The following DLG2 variants were observed in gnomAD, a reference collection of about 807,000 sequenced individuals.
The protein encoded by DLG2 is discs large MAGUK scaffold protein 2, also known as disks large homolog 2.
DLG2 carries 45 observed loss-of-function variants against 132.5 expected under a neutral mutation model. The observed-to-expected ratio is 0.34, with a 90% CI of 0.27 to 0.44. DLG2 has a LOEUF of 0.44. DLG2 is among the 20% of genes least tolerant of loss of function. The pLI is 1.00. For missense variants in DLG2, 1,045 were observed against 1,196.9 expected, an observed-to-expected ratio of 0.87 and a Z score of 1.87; for synonymous variants, 424 against 419.6, an observed-to-expected ratio of 1.01 and a Z score of -0.13.
chr11:84,520,598 C>G (rs890755247), intron 7 of DLG2, among the ~76,000 whole-genome samples: 9 of 152,140 alleles, frequency 5.9e-5, no homozygotes, highest in African/African-American at 2.2e-4. Context: ...CACCCACCAC[C>G]CAACCCTCAC....
chr11:84,054,602 G>A (rs1202842325), intron 11 of DLG2, among the ~76,000 whole-genome samples: 3 of 152,090 alleles, frequency 2.0e-5, no homozygotes, highest in Non-Finnish European at 4.4e-5. Flanking sequence ...GAAATATATG[G>A]CTATAAATCA....
intron 3 of DLG2, among the ~76,000 whole-genome samples, chr11:85,457,003 T>C (rs2058413448): frequency 6.6e-6 from 1 of 152,160 alleles, no homozygotes; most frequent in Non-Finnish European, 1.5e-5. Flanking sequence ...TTTGCCTCAA[T>C]GATCTGTCTA....
intron 6 of DLG2, among the ~76,000 whole-genome samples, chr11:84,565,960 G>GTTTTT (rs748005006): frequency 5.7e-5 from 8 of 139,470 alleles, no homozygotes; most frequent in South Asian, 2.3e-4. Flanking sequence ...ATATGATGAA[G>GTTTTT]TTTTTTTTTT....
chr11:84,725,742 A>G (rs986871053), intron 6 of DLG2, among the ~76,000 whole-genome samples: 1 of 152,178 alleles, frequency 6.6e-6, no homozygotes, highest in Non-Finnish European at 1.5e-5. Flanking sequence ...TAGCATTGCT[A>G]TAAGGCTTGA....
intron 3 of DLG2, among the ~76,000 whole-genome samples, chr11:85,590,625 T>C (rs1382340691): frequency 6.6e-6 from 1 of 151,846 alleles, no homozygotes; most frequent in East Asian, 1.9e-4. Context: ...TTTAGAATTT[T>C]TTTTATATTC....
chr11:85,406,172 T>C (rs1397209672), intron 3 of DLG2, among the ~76,000 whole-genome samples: 1 of 151,860 alleles, frequency 6.6e-6, no homozygotes, highest in African/African-American at 2.4e-5. Context: ...GAAAAGTTTA[T>C]TCAGGAGACC....
intron 6 of DLG2, among the ~76,000 whole-genome samples, chr11:84,542,806 A>AGGCT (rs1311479112): frequency 2.0e-5 from 3 of 152,214 alleles, no homozygotes; most frequent in Non-Finnish European, 4.4e-5. Flanking sequence ...TTTCATCTCA[A>AGGCT]GGCTGTAGAA....
intron 6 of DLG2, among the ~76,000 whole-genome samples, chr11:85,073,032 T>C (rs2066085931): frequency 6.6e-6 from 1 of 151,906 alleles, no homozygotes; most frequent in Non-Finnish European, 1.5e-5. Flanking sequence ...TAGATACTAG[T>C]ATTTGTATTC....
chr11:83,625,361 C>T lies in DLG2; in HGVS notation c.1940+7850G>A, dbSNP rs1424296658. Among the ~76,000 whole-genome samples the T allele has an allele frequency of 2.0e-5, 3 of 152,220 alleles. No homozygotes were observed. In the East Asian group the frequency reaches 5.8e-4, roughly 29 times the overall value. On this transcript the variant is annotated intron_variant, in intron 19 of 27. Transcript: ENST00000376104. ...GAGTGAAGAATCCTGCCATTCCACA[C>T]TCTTCTTTATCATCCCCAGGATACT...
intron 6 of DLG2, among the ~76,000 whole-genome samples, chr11:84,853,174 G>C (rs1054842646): frequency 6.6e-6 from 1 of 151,892 alleles, no homozygotes; most frequent in Non-Finnish European, 1.5e-5. Flanking sequence ...TCCTGAGTCT[G>C]TGTTTTTAAA....
chr11:85,508,233 C>T (rs2093979365), intron 3 of DLG2, among the ~76,000 whole-genome samples: 1 of 152,086 alleles, frequency 6.6e-6, no homozygotes, highest in South Asian at 2.1e-4. Context: ...CACTCTCCAT[C>T]CAGCTTGACA....
chr11:84,541,165 A>G (rs2099367735), intron 6 of DLG2, among the ~76,000 whole-genome samples: 1 of 151,068 alleles, frequency 6.6e-6, no homozygotes, highest in Non-Finnish European at 1.5e-5. Context: ...TGTTGTGCAC[A>G]TGTACCCTAG....
rs535161036 is a variant in DLG2 at position 85,084,657 on chromosome 11, A to G, written c.357+27004T>C. On this transcript the variant is annotated intron_variant, in intron 6 of 27. Coordinates refer to ENST00000376104, the MANE Select transcript of DLG2 (RefSeq NM_001142699.3). Reference sequence around the variant, plus strand: ...GGACTCATAACTAGTGAGCAGCTCTATATCGGTTGCCATTTTTGTCATGGT... The same window carrying G: ...GGACTCATAACTAGTGAGCAGCTCTGTATCGGTTGCCATTTTTGTCATGGT... 5.9e-5 allele frequency among the ~76,000 whole-genome samples: 9 copies of G among 152,264 alleles called. No individual in the cohort carries two copies. In the South Asian group the frequency reaches 8.3e-4, roughly 14 times the overall value.
intron 6 of DLG2, among the ~76,000 whole-genome samples, chr11:84,555,578 G>T (rs1423476911): frequency 6.6e-6 from 1 of 152,194 alleles, no homozygotes; most frequent in Non-Finnish European, 1.5e-5. Context: ...GACAAATGGT[G>T]TATGATTCCA....
rs191760810 is a variant in DLG2, at chr11:84,953,422, C to A, written c.357+158239G>T. 2.0e-5 allele frequency among the ~76,000 whole-genome samples: 3 copies of A among 152,306 alleles called. No individual in the cohort carries two copies. In the South Asian group the frequency reaches 6.2e-4, roughly 32 times the overall value. Reference sequence around the variant, plus strand: ...GTTCCCCCTGCCTTTACCTGGCCAGCTACTTCCCATCCATTCCCCACTGTG... The same window carrying A: ...GTTCCCCCTGCCTTTACCTGGCCAGATACTTCCCATCCATTCCCCACTGTG... On this transcript the variant is annotated intron_variant, in intron 6 of 27. Transcript: ENST00000376104.
chr11:84,680,323 A>T (rs1439407235), intron 6 of DLG2, among the ~76,000 whole-genome samples: 1 of 152,136 alleles, frequency 6.6e-6, no homozygotes, highest in Non-Finnish European at 1.5e-5. Flanking sequence ...CTACAAAAAG[A>T]GTATGACAAT....
intron 6 of DLG2, among the ~76,000 whole-genome samples, chr11:85,014,728 C>T (rs1199584867): frequency 1.3e-5 from 2 of 152,216 alleles, no homozygotes; most frequent in Admixed American, 1.3e-4. Flanking sequence ...ATCAGCTCCA[C>T]ATACCTCCTT....
chr11:83,575,625 C>T (rs1258003258), intron 19 of DLG2, among the ~76,000 whole-genome samples: 2 of 152,166 alleles, frequency 1.3e-5, no homozygotes, highest in African/African-American at 4.8e-5. Flanking sequence ...GAGATCAGTG[C>T]TGGTTCTCAC....
chr11:83,922,136 G>T lies in DLG2; in HGVS notation c.1496+8192C>A, dbSNP rs182833286. Among the ~76,000 whole-genome samples, 34 of 152,214 alleles carry T rather than the reference G, an allele frequency of 2.2e-4. 1 individual carries two copies. The East Asian group carries it at 6.6e-3, about 29-fold the overall frequency. On this transcript the variant is annotated intron_variant, in intron 15 of 27. Coordinates refer to ENST00000376104, the MANE Select transcript of DLG2 (RefSeq NM_001142699.3). Reference sequence around the variant, plus strand: ...AACAATTATTGAATTCTTAATGAAAGAATATCTTCCCGCTAGTATCAAAAA... The same window carrying T: ...AACAATTATTGAATTCTTAATGAAATAATATCTTCCCGCTAGTATCAAAAA...
Sources: gnomAD v4.1 joint callset for allele counts (sites outside exome capture counted in the v4.1 genomes callset) on GRCh38, gnomAD v4.1.1 for gene constraint, MANE v1.5 for transcripts, NCBI Gene and HGNC (gene_info 2026-07-23, HGNC 2026-07-21) for gene names.